FSTL4: variants seen among roughly 807,000 people sequenced by gnomAD.
The protein encoded by FSTL4 is follistatin-related protein 4.
A neutral mutation model predicts 78.2 loss-of-function variants in FSTL4; 28 were observed. The ratio of observed to expected loss-of-function variants is 0.36; its 90% CI spans 0.27 to 0.49. The LOEUF (loss-of-function observed/expected upper bound fraction) is 0.49. Among genes scored for constraint, FSTL4 ranks in the 20% least tolerant of loss-of-function variants. The pLI is 0.98. For missense variants in FSTL4, 922 were observed against 1,084.9 expected (o/e 0.85, Z 2.11); for synonymous variants, 422 against 440.5 (o/e 0.96, Z 0.53).
chr5:133,268,035 T>C (rs1387634695), intron 6 of FSTL4, among the ~76,000 whole-genome samples: 1 of 152,178 alleles, frequency 6.6e-6, no homozygotes, highest in Non-Finnish European at 1.5e-5. Context: ...ATGCCAAAAC[T>C]AATGGGCTCA....
At chr5:133,272,171 C>A (rs1156282509) in intron 6 of FSTL4, among the ~76,000 whole-genome samples, 1 of 152,156 alleles carries the variant, frequency 6.6e-6, no homozygotes, top group Non-Finnish European at 1.5e-5. Context: ...AGAAAGGAAG[C>A]CAGAATTCTA....
chr5:133,375,623 G>A (rs1205729918), intron 4 of FSTL4, among the ~76,000 whole-genome samples: 1 of 152,086 alleles, frequency 6.6e-6, no homozygotes, highest in Non-Finnish European at 1.5e-5. Context: ...CAGTGGAGGA[G>A]CTTTAAAGTA....
the FSTL4 span, among the ~76,000 whole-genome samples, chr5:133,752,598 A>G: frequency 6.6e-6 from 1 of 152,070 alleles, no homozygotes. Context: ...CGACAGAGCG[A>G]GGCTCTGTCT....
Position 133,225,643 on chromosome 5 carries a change from A to C in FSTL4, c.1177+15T>G. Reference sequence around the variant, plus strand: ...TGGGAATATCGCATAGACGTCTACCAAGGGCAGTTCTTACCTAAAAGGGAG... The same window carrying C: ...TGGGAATATCGCATAGACGTCTACCCAGGGCAGTTCTTACCTAAAAGGGAG... On this transcript the variant is annotated intron_variant, in intron 9 of 15. Coordinates refer to ENST00000265342, the MANE Select transcript of FSTL4 (RefSeq NM_015082.2). This position sits in a 1 kb window ranked among gnomAD's most constrained non-coding sequence, Gnocchi z 4.6. 6.4e-7 allele frequency: 1 copy of C among 1,560,684 alleles called. No individual in the cohort carries two copies. The highest frequency in any genetic ancestry group is 8.7e-7 in the Non-Finnish European group (1 of 1,153,738).
intron 6 of FSTL4, among the ~76,000 whole-genome samples, chr5:133,306,919 T>C (rs7714610): frequency 0.87 from 132,950 of 152,202 alleles, 58,245 homozygotes; most frequent in African/African-American, 0.93. Context: ...TCTTCATCAT[T>C]ACCCTCACCG....
chr5:133,443,791 C>T (rs917928644), intron 3 of FSTL4, among the ~76,000 whole-genome samples: 8 of 152,316 alleles, frequency 5.3e-5, no homozygotes, highest in African/African-American at 1.9e-4. Flanking sequence ...CACCATATTC[C>T]AGCCACACTT....
At chr5:133,669,283 C>T in the FSTL4 span, among the ~76,000 whole-genome samples, 2 of 152,168 alleles carry the variant, frequency 1.3e-5, no homozygotes, top group African/African-American at 2.4e-5. Flanking sequence ...GATGAGGGCC[C>T]CAAATCCTGA....
Position 133,225,157 on chromosome 5 carries a change from T to C in FSTL4, c.1305A>G (p.Arg435=). The C allele has an allele frequency of 6.2e-7, 1 of 1,614,194 alleles. No individual in the cohort carries two copies. Among genetic ancestry groups the C allele is most frequent in the Non-Finnish European group, 8.5e-7 (1 of 1,180,042 alleles). The change falls in exon 10 of 16, where the codon AGA becomes AGG. Residue 435 remains arginine, a synonymous_variant. Transcript: ENST00000265342. This position sits in a 1 kb window ranked among gnomAD's most constrained non-coding sequence, Gnocchi z 4.6. ...AAACGCGTGTCGACTTACGGGTCTT[T>C]CTAGCTGAGTCTTCAATGAAGAGCG... ...ISSLFIEDSA[R]KTLANILWRE... is the part of the protein sequence containing the mutation.
intron 3 of FSTL4, among the ~76,000 whole-genome samples, chr5:133,533,534 C>CTTAAGCCACCCAGTAATTA (rs1580771810): frequency 6.6e-6 from 1 of 152,212 alleles, no homozygotes; most frequent in East Asian, 1.9e-4. Context: ...GCGTGAGCCA[C>CTTAAGCCACCCAGTAATTA]CATGCCTGGC....
At chr5:133,342,845 G>T (rs1030724144) in intron 4 of FSTL4, among the ~76,000 whole-genome samples, 9 of 152,216 alleles carry the variant, frequency 5.9e-5, no homozygotes, top group Non-Finnish European at 1.2e-4. Flanking sequence ...CGCTGTGTGT[G>T]TTTGCACATG....
At chr5:133,532,083 A>G (rs1759265657) in intron 3 of FSTL4, among the ~76,000 whole-genome samples, 1 of 152,246 alleles carries the variant, frequency 6.6e-6, no homozygotes, top group Admixed American at 6.5e-5. Context: ...AGGGCTCAAT[A>G]CAATCACAGG....
At chr5:133,660,633 C>T in the FSTL4 span, among the ~76,000 whole-genome samples, 1 of 152,186 alleles carries the variant, frequency 6.6e-6, no homozygotes, top group Non-Finnish European at 1.5e-5. Flanking sequence ...AAGGTGCCCA[C>T]CCTGTCCCTC....
At chr5:133,577,418 G>C (rs542163854) in intron 2 of FSTL4, among the ~76,000 whole-genome samples, 6 of 152,270 alleles carry the variant, frequency 3.9e-5, no homozygotes, top group African/African-American at 1.4e-4. Flanking sequence ...TTAGAGAGAG[G>C]TGTGTGTAGC....
At chr5:133,619,167 A>G in the FSTL4 span, among the ~76,000 whole-genome samples, 2 of 152,152 alleles carry the variant, frequency 1.3e-5, no homozygotes, top group Non-Finnish European at 2.9e-5. Context: ...GTACACAGGA[A>G]GAGGTGGTAC....
chr5:133,777,217 G>GTATA, the FSTL4 span, among the ~76,000 whole-genome samples: 4 of 65,148 alleles, frequency 6.1e-5, no homozygotes, highest in Non-Finnish European at 1.1e-4. Context: ...TTAAAGATAT[G>GTATA]TATATATATA....
In FSTL4 at chr5:133,199,181, G is replaced by C; in HGVS notation, c.2443C>G (p.Leu815Val). 1 of 1,610,682 alleles carries C rather than the reference G, an allele frequency of 6.2e-7. No individual in the cohort carries two copies. The highest frequency in any genetic ancestry group is 8.5e-7 in the Non-Finnish European group (1 of 1,177,438). Residue 815 changes from leucine (L) to valine (V), a missense_variant, in exon 16 of 16, where the codon CTC becomes GTC. Transcript: ENST00000265342. This position sits in a 1 kb window ranked among gnomAD's most constrained non-coding sequence, Gnocchi z 4.4. ...LLTPARESLF[L>V]INGRQNTLRC... is the part of the protein sequence containing the mutation. Reference sequence around the variant, plus strand: ...AGCGTGTTTTGTCTCCCATTGATGAGGAACAGTGACTCTCGGGCTGGTGTG... The same window carrying C: ...AGCGTGTTTTGTCTCCCATTGATGACGAACAGTGACTCTCGGGCTGGTGTG...
chr5:133,307,725 C>T (rs976891840), intron 6 of FSTL4, among the ~76,000 whole-genome samples: 2 of 152,056 alleles, frequency 1.3e-5, no homozygotes, highest in African/African-American at 4.8e-5. Flanking sequence ...AGGACAGCAC[C>T]CCCAACTCTG....
intron 6 of FSTL4, among the ~76,000 whole-genome samples, chr5:133,295,297 C>T (rs1252330986): frequency 6.6e-6 from 1 of 152,154 alleles, no homozygotes; most frequent in African/African-American, 2.4e-5. Flanking sequence ...GTCTGCCGCC[C>T]ATCCATCTAA....
At chr5:133,567,338 C>A in intron 2 of FSTL4, 119 bp from the exon 3 acceptor site, 1 of 763,792 alleles carries the variant, frequency 1.3e-6, no homozygotes, top group South Asian at 1.5e-5. Context: ...CTACGAAGAA[C>A]ATGACACTGA....
Sources: gnomAD v4.1 joint callset for allele counts (sites outside exome capture counted in the v4.1 genomes callset) on GRCh38, gnomAD v4.1.1 for gene constraint, Gnocchi (gnomAD v3.1) non-coding constraint, MANE v1.5 for transcripts, NCBI Gene and HGNC (gene_info 2026-07-23, HGNC 2026-07-21) for gene names.